ERMARD: variants seen among roughly 807,000 people sequenced by gnomAD.
ERMARD encodes endoplasmic reticulum membrane-associated RNA degradation protein.
A neutral mutation model predicts 83.9 loss-of-function variants in ERMARD; 71 were observed. The ratio of observed to expected loss-of-function variants is 0.85; its 90% CI spans 0.70 to 1.03. The LOEUF (loss-of-function observed/expected upper bound fraction) is 1.03, where lower values mean the gene tolerates loss of function less well. Among genes scored for constraint, ERMARD ranks in the 50% least tolerant of loss-of-function variants. ERMARD has a pLI of 0.00. For synonymous variants in ERMARD, 284 were observed against 298.6 expected, an observed-to-expected ratio of 0.95 and a Z score of 0.50; for missense variants, 838 against 810.9, an observed-to-expected ratio of 1.03 and a Z score of -0.41.
intron 12 of ERMARD, 136 bp downstream of exon 12, chr6:169,769,849 A>G: frequency 2.8e-6 from 2 of 726,102 alleles, no homozygotes; most frequent in Non-Finnish European, 4.2e-6. Flanking sequence ...CAGAAAAAAA[A>G]GTGAATGGAT....
chr6:169,778,791 G>A (rs1793879831), intron 16 of ERMARD, among the ~76,000 whole-genome samples: 3 of 152,314 alleles, frequency 2.0e-5, no homozygotes, highest in South Asian at 2.1e-4. Flanking sequence ...CTTTCCTATC[G>A]AGGCCATTTG....
Position 169,759,845 on chromosome 6 carries a change from T to C in ERMARD, c.613T>C (p.Ser205Pro), listed in dbSNP as rs1791302377. 6 of 1,614,034 alleles carry C rather than the reference T, an allele frequency of 3.7e-6. No individual in the cohort carries two copies. In the East Asian group the frequency reaches 1.3e-4, roughly 36 times the overall value. ...SPEEIPPKYCSMMILLTAGLG... is the reference protein window; with the variant it reads ...SPEEIPPKYCPMMILLTAGLG... Reference sequence around the variant, plus strand: ...CTCTATGGTATTTCCTAGATACTGTTCAATGATGATACTGTTGACGGCAGG... The same window carrying C: ...CTCTATGGTATTTCCTAGATACTGTCCAATGATGATACTGTTGACGGCAGG... Residue 205 changes from serine to proline, a missense_variant, in exon 7 of 18, where the codon TCA becomes CCA. Ser to Pro is a moderately conservative substitution (Grantham distance 74). Coordinates refer to ENST00000366773, the MANE Select transcript of ERMARD (RefSeq NM_018341.3).
intron 12 of ERMARD, among the ~76,000 whole-genome samples, chr6:169,772,426 AGTT>A (rs1269140747): frequency 1.3e-5 from 2 of 152,292 alleles, no homozygotes; most frequent in Middle Eastern, 3.4e-3. Flanking sequence ...TTTCTTCTGT[AGTT>A]AACATCTAGC....
chr6:169,760,497 C>T (rs1417683160), intron 7 of ERMARD, 145 bp from the exon 8 acceptor site: 1 of 620,342 alleles, frequency 1.6e-6, no homozygotes, highest in Non-Finnish European at 2.8e-6. Context: ...CAGGGCAATC[C>T]TACTCTCTAA....
Position 169,754,003 on chromosome 6 carries a change from T to C in ERMARD, c.146T>C (p.Ile49Thr), listed in dbSNP as rs777553387. The change falls in exon 2 of 18, where the codon ATC becomes ACC. Residue 49 changes from isoleucine to threonine, a missense_variant. Transcript: ENST00000366773. ...TQNGEVCWKT[I>T]TDCVSYTESE... The stretch of plus-strand genomic sequence containing the variant: ...AATGGTGAAGTATGCTGGAAAACAA[T>C]CACAGACTGTGTGAGCTACACAGAG... 1 of 1,613,486 alleles carries C rather than the reference T, an allele frequency of 6.2e-7. No homozygotes were observed. Among genetic ancestry groups the C allele is most frequent in the Non-Finnish European group, 8.5e-7 (1 of 1,179,622 alleles).
intron 2 of ERMARD, 40 bp downstream of exon 2, chr6:169,754,072 C>T (rs376057280): frequency 7.3e-5 from 113 of 1,552,432 alleles, no homozygotes; most frequent in African/African-American, 1.4e-4. Context: ...CATAACTGTC[C>T]CATTGAAAAT....
Position 169,776,459 on chromosome 6 carries a change from C to A in ERMARD, c.1525C>A (p.Pro509Thr), listed in dbSNP as rs147084771. 51 of 1,613,146 alleles carry A rather than the reference C, an allele frequency of 3.2e-5. 1 individual carries two copies. In the South Asian group the frequency reaches 5.4e-4, roughly 17 times the overall value. Residue 509 changes from proline (P) to threonine (T), a missense_variant, in exon 16 of 18, where the codon CCC (proline) becomes ACC (threonine). By Grantham distance (38) the Pro-to-Thr change is conservative. Transcript: ENST00000366773. ...DLDRLPTETWPQLLRELCSTP... is the reference protein window; with the variant it reads ...DLDRLPTETWTQLLRELCSTP... ...CAAGTCTGGCTCTGTTTGCAGGTGG[C>A]CCCAGCTTCTCCGTGAGCTCTGCAG...
At chr6:169,773,959 T>G (rs4716397) in intron 13 of ERMARD, among the ~76,000 whole-genome samples, 43,183 of 152,022 alleles carry the variant, frequency 0.28, 6,807 homozygotes, top group African/African-American at 0.42. Context: ...GGTGAAAATT[T>G]ATAAATGAGA....
At chr6:169,776,739 T>C in intron 16 of ERMARD, 66 bp downstream of exon 16, 1 of 1,560,464 alleles carries the variant, frequency 6.4e-7, no homozygotes, top group Non-Finnish European at 8.7e-7. Flanking sequence ...GATGCAGTTC[T>C]AGTCCTCACT....
rs113022481 is a variant in ERMARD, at chr6:169,766,336, G to A, written c.961-302G>A. On this transcript the variant is annotated intron_variant, in intron 9 of 17. Coordinates refer to ENST00000366773, the MANE Select transcript of ERMARD (RefSeq NM_018341.3). ...CAGTCGTCAGGAGAAGTATTCTGTTGTATGAGCAGCGATTTGTGAGGGCCT... is the reference window on the plus strand; with the variant it reads ...CAGTCGTCAGGAGAAGTATTCTGTTATATGAGCAGCGATTTGTGAGGGCCT... 0.018 allele frequency among the ~76,000 whole-genome samples: 2,687 copies of A among 152,354 alleles called. 78 individuals carry two copies. The highest frequency in any genetic ancestry group is 0.061 in the African/African-American group (2,522 of 41,570).
At chr6:169,751,872 C>G (rs1333205494) in intron 1 of ERMARD, 1 of 692,456 alleles carries the variant, frequency 1.4e-6, no homozygotes, top group Non-Finnish European at 2.1e-6. Context: ...CGGGCCCTGC[C>G]GGCCTCCCTG....
chr6:169,768,991 C>T (rs1165361139), intron 11 of ERMARD, among the ~76,000 whole-genome samples: 1 of 152,202 alleles, frequency 6.6e-6, no homozygotes, highest in Non-Finnish European at 1.5e-5. Context: ...TGTGGACATC[C>T]ATTTTTACCA....
Position 169,776,567 on chromosome 6 carries a change from C to T in ERMARD, c.1633C>T (p.Arg545Cys), listed in dbSNP as rs774432039. The change falls in exon 16 of 18, where the codon CGT (arginine) becomes TGT (cysteine). Residue 545 changes from arginine (R) to cysteine (C), a missense_variant. Arg to Cys is a radical substitution (Grantham distance 180). Transcript: ENST00000366773. Reference sequence around the variant, plus strand: ...CCGAAGCATCAGCGAACAGTGCCGCCGTGTGTCCAGCCAGGTCACCGTTGC... The same window carrying T: ...CCGAAGCATCAGCGAACAGTGCCGCTGTGTGTCCAGCCAGGTCACCGTTGC... ...VLRSISEQCR[R>C]VSSQVTVASE... 6.4e-5 allele frequency: 104 copies of T among 1,614,100 alleles called. No individual in the cohort carries two copies. In the South Asian group the frequency reaches 9.9e-4, roughly 15 times the overall value.
chr6:169,773,508 AG>A, intron 13 of ERMARD, 106 bp downstream of exon 13: 2 of 1,106,416 alleles, frequency 1.8e-6, no homozygotes, highest in Non-Finnish European at 2.7e-6. Context: ...TCAGACTTTG[AG>A]TTGGGCAGAT....
chr6:169,755,219 G>A (rs1170678946), intron 2 of ERMARD, 64 bp from the exon 3 acceptor site: 49 of 1,536,708 alleles, frequency 3.2e-5, no homozygotes, highest in Non-Finnish European at 4.0e-5. Flanking sequence ...CTTTGATGAT[G>A]TAGATATTTT....
Position 169,769,555 on chromosome 6 carries a change from T to G in ERMARD, c.1075T>G (p.Phe359Val). ...TTTCTGAAAGGAATTTCTCTGGGAT[T>G]TCCTGAACCATCAGGAGGGTCCCCG... ...GEPAMEFLWD[F>V]LNHQEGPRIR... is the part of the protein sequence containing the mutation. Residue 359 changes from phenylalanine (F) to valine (V), a missense_variant, in exon 12 of 18, where the codon TTC becomes GTC. Coordinates refer to ENST00000366773, the MANE Select transcript of ERMARD (RefSeq NM_018341.3). 3 of 1,597,908 alleles carry G rather than the reference T, an allele frequency of 1.9e-6. No homozygotes were observed. Among genetic ancestry groups the G allele is most frequent in the Non-Finnish European group, 2.6e-6 (3 of 1,174,326 alleles).
In ERMARD at chr6:169,776,081, T is replaced by A. The variant is rs767945888; in HGVS notation, c.1520+16T>A. 6 of 1,610,384 alleles carry A rather than the reference T, an allele frequency of 3.7e-6. No individual in the cohort carries two copies. In the East Asian group the frequency reaches 1.1e-4, roughly 30 times the overall value. ...CTACTGAGACGTAAGTTCCAGGACA[T>A]CCTGACAACTGTTGAAACATTGATT... On this transcript the variant is annotated intron_variant, in intron 15 of 17. Transcript: ENST00000366773.
At position 169,779,277 on chromosome 6, in the gene ERMARD, A is replaced by T; in HGVS notation, c.1835A>T (p.Glu612Val). The T allele has an allele frequency of 1.2e-6, 2 of 1,614,136 alleles. No individual in the cohort carries two copies. The highest frequency in any genetic ancestry group is 2.2e-5 in the South Asian group (2 of 91,084). The change falls in exon 17 of 18, where the codon GAG (glutamate) becomes GTG (valine). Residue 612 changes from glutamate (E) to valine (V), a missense_variant. Transcript: ENST00000366773. Reference protein sequence around the residue: ...IHAVCGKNAHEYQQYLKFVKS... With the variant: ...IHAVCGKNAHVYQQYLKFVKS... Reference sequence around the variant, plus strand: ...GCTGTTTGTGGGAAGAATGCGCATGAGTATCAGCAGTACCTAAAGTAAGTG... The same window carrying T: ...GCTGTTTGTGGGAAGAATGCGCATGTGTATCAGCAGTACCTAAAGTAAGTG...
intron 10 of ERMARD, chr6:169,767,776 C>CACAA (rs1792402999): frequency 5.7e-6 from 2 of 348,302 alleles, no homozygotes. Flanking sequence ...CACACACACA[C>CACAA]ACACAGGCAC....
Sources: gnomAD v4.1 joint callset for allele counts (sites outside exome capture counted in the v4.1 genomes callset) on GRCh38, gnomAD v4.1.1 for gene constraint, MANE v1.5 for transcripts, NCBI Gene and HGNC (gene_info 2026-07-23, HGNC 2026-07-21) for gene names.